DLG2: variants seen among roughly 807,000 people sequenced by gnomAD.
DLG2 encodes disks large homolog 2.
In DLG2, 45 loss-of-function variants were observed where a neutral mutation model predicts 132.5. That is an observed-to-expected ratio of 0.34 (90% CI 0.27 to 0.44). The LOEUF is 0.44. Ranked by LOEUF, DLG2 falls within the 20% of genes least tolerant of loss-of-function variation. The pLI, the probability that DLG2 is intolerant of heterozygous loss-of-function variation, is 1.00. For synonymous variants in DLG2, 424 were observed against 419.6 expected, an observed-to-expected ratio of 1.01 and a Z score of -0.13; for missense variants, 1,045 against 1,196.9, an observed-to-expected ratio of 0.87 and a Z score of 1.87.
At chr11:85,340,906 A>C (rs1159243872) in intron 3 of DLG2, among the ~76,000 whole-genome samples, 2 of 152,132 alleles carry the variant, frequency 1.3e-5, no homozygotes, top group Non-Finnish European at 2.9e-5. Flanking sequence ...TTATATTTAG[A>C]TCCCTAATTA....
chr11:84,341,558 G>A (rs1270662343), intron 7 of DLG2, among the ~76,000 whole-genome samples: 1 of 152,120 alleles, frequency 6.6e-6, no homozygotes, highest in Non-Finnish European at 1.5e-5. Flanking sequence ...ATATACCCAG[G>A]TTTTCTGTAG....
chr11:84,619,918 A>T (rs1299083628), intron 6 of DLG2, among the ~76,000 whole-genome samples: 1 of 151,728 alleles, frequency 6.6e-6, no homozygotes, highest in Non-Finnish European at 1.5e-5. Context: ...TCCAAAAATA[A>T]CCCCAATAAG....
chr11:83,912,911 G>T (rs1211907901), intron 15 of DLG2, among the ~76,000 whole-genome samples: 1 of 152,042 alleles, frequency 6.6e-6, no homozygotes. Flanking sequence ...CAAAGGTTGG[G>T]GAAGAGCTTA....
At chr11:83,997,592 A>C (rs573821055) in intron 11 of DLG2, among the ~76,000 whole-genome samples, 1 of 151,072 alleles carries the variant, frequency 6.6e-6, no homozygotes, top group Admixed American at 6.6e-5. Context: ...TTAGCTGGGC[A>C]TGGTGGTGCA....
intron 4 of DLG2, among the ~76,000 whole-genome samples, chr11:85,168,748 C>A (rs745987868): frequency 6.6e-6 from 1 of 151,968 alleles, no homozygotes; most frequent in African/African-American, 2.4e-5. Flanking sequence ...ATATCATGTA[C>A]CTTTCACATG....
chr11:85,586,331 G>A (rs2078968856), intron 3 of DLG2, among the ~76,000 whole-genome samples: 1 of 152,060 alleles, frequency 6.6e-6, no homozygotes, highest in African/African-American at 2.4e-5. Context: ...GAGGCCATCT[G>A]GTCCTGGACT....
At chr11:84,302,595 C>T (rs888676289) in intron 7 of DLG2, among the ~76,000 whole-genome samples, 4 of 151,932 alleles carry the variant, frequency 2.6e-5, no homozygotes, top group African/African-American at 4.8e-5. Context: ...AAAGTTGTTA[C>T]TACATTAACT....
At chr11:84,291,335 A>G (rs1479934024) in intron 7 of DLG2, among the ~76,000 whole-genome samples, 2 of 152,174 alleles carry the variant, frequency 1.3e-5, no homozygotes, top group Non-Finnish European at 2.9e-5. Context: ...GCCAAGTTAG[A>G]CTAAATGGGC....
chr11:83,539,589 A>G (rs2096000381), intron 20 of DLG2, among the ~76,000 whole-genome samples: 1 of 151,814 alleles, frequency 6.6e-6, no homozygotes, highest in South Asian at 2.1e-4. Flanking sequence ...TATTTTGAAA[A>G]TAATTAAAAT....
At chr11:84,307,393 A>G (rs1025178723) in intron 7 of DLG2, among the ~76,000 whole-genome samples, 2 of 152,170 alleles carry the variant, frequency 1.3e-5, no homozygotes, top group Non-Finnish European at 2.9e-5. Flanking sequence ...CACCTATTGA[A>G]TATTATATTA....
chr11:84,569,993 A>T (rs1374417169), intron 6 of DLG2, among the ~76,000 whole-genome samples: 4 of 152,162 alleles, frequency 2.6e-5, no homozygotes, highest in Admixed American at 2.6e-4. Flanking sequence ...GTTCTCAGTT[A>T]TGGGTGAGGT....
chr11:84,634,548 A>G (rs2099637375), intron 6 of DLG2, among the ~76,000 whole-genome samples: 1 of 152,160 alleles, frequency 6.6e-6, no homozygotes, highest in African/African-American at 2.4e-5. Context: ...TCTGCACCTT[A>G]CTTTCATTTT....
chr11:85,354,960 T>G (rs866908847), intron 3 of DLG2, among the ~76,000 whole-genome samples: 1 of 152,168 alleles, frequency 6.6e-6, no homozygotes, highest in African/African-American at 2.4e-5. Flanking sequence ...CAAAGGATTA[T>G]AGCCCAGTAC....
At chr11:84,227,498 T>A (rs1341140268) in intron 8 of DLG2, among the ~76,000 whole-genome samples, 6 of 152,216 alleles carry the variant, frequency 3.9e-5, no homozygotes, top group Non-Finnish European at 8.8e-5. Flanking sequence ...TCACAGCATC[T>A]GTAAGAATAT....
chr11:85,162,037 C>G (rs891203287), intron 4 of DLG2, among the ~76,000 whole-genome samples: 9 of 152,142 alleles, frequency 5.9e-5, no homozygotes, highest in African/African-American at 2.2e-4. Context: ...GAGTGACAAA[C>G]TCTGCCACCA....
chr11:84,710,507 C>T (rs58816154), intron 6 of DLG2, among the ~76,000 whole-genome samples: 92 of 151,816 alleles, frequency 6.1e-4, no homozygotes, highest in African/African-American at 2.2e-3. Flanking sequence ...TGAGTAGCTG[C>T]CATCTTATTT....
At chr11:84,722,575 T>C (rs1208355862) in intron 6 of DLG2, among the ~76,000 whole-genome samples, 1 of 152,186 alleles carries the variant, frequency 6.6e-6, no homozygotes, top group Non-Finnish European at 1.5e-5. Context: ...TAAATATGGA[T>C]TATGAAGCCC....
chr11:83,889,947 C>T (rs1422854416), intron 15 of DLG2, among the ~76,000 whole-genome samples: 1 of 111,612 alleles, frequency 9.0e-6, no homozygotes, highest in Non-Finnish European at 1.7e-5. Flanking sequence ...ACATCACACT[C>T]TGGGGACTGT....
chr11:85,422,312 G>A (rs951955553), intron 3 of DLG2, among the ~76,000 whole-genome samples: 14 of 152,018 alleles, frequency 9.2e-5, no homozygotes, highest in African/African-American at 3.1e-4. Context: ...TCTTCCTCAG[G>A]AACTCAGATT....
Sources: allele counts gnomAD v4.1 joint callset (sites outside exome capture counted in the v4.1 genomes callset), GRCh38; gene constraint gnomAD v4.1.1; transcripts MANE v1.5; gene names NCBI Gene and HGNC (gene_info 2026-07-23, HGNC 2026-07-21).